ADISSP: variants seen among roughly 807,000 people sequenced by gnomAD.
The protein encoded by ADISSP is adipose secreted signaling protein.
At chr20:3,760,230 T>C in the ADISSP span, 4 of 686,034 alleles carry the variant, frequency 5.8e-6, no homozygotes, top group African/African-American at 3.5e-5. Flanking sequence ...GGGCCACTCA[T>C]GGACCCATGG....
the ADISSP span, among the ~76,000 whole-genome samples, chr20:3,762,779 G>A: frequency 1.3e-5 from 2 of 152,196 alleles, no homozygotes; most frequent in Non-Finnish European, 2.9e-5. Context: ...GGCCTGCAAA[G>A]TCTAAACCAT....
the ADISSP span, chr20:3,754,121 G>T: frequency 3.2e-5 from 52 of 1,613,398 alleles, no homozygotes; most frequent in Non-Finnish European, 4.4e-5. Context: ...CCACACACTT[G>T]ACACCATCCA....
the ADISSP span, among the ~76,000 whole-genome samples, chr20:3,766,816 T>C: frequency 1.3e-5 from 2 of 152,156 alleles, no homozygotes; most frequent in African/African-American, 2.4e-5. Context: ...CTGCCCCGAC[T>C]TTCTTCAACT....
At chr20:3,761,013 G>A in the ADISSP span, among the ~76,000 whole-genome samples, 6 of 152,206 alleles carry the variant, frequency 3.9e-5, no homozygotes, top group Non-Finnish European at 7.3e-5. Context: ...GCCCTCAAAA[G>A]CCCTCATTTG....
chr20:3,754,112 C>T, the ADISSP span: 1 of 1,613,532 alleles, frequency 6.2e-7, no homozygotes, highest in Admixed American at 1.7e-5. Flanking sequence ...GCTCGGCGCC[C>T]ACACACTTGA....
chr20:3,764,855 T>C, the ADISSP span, among the ~76,000 whole-genome samples: 1 of 152,178 alleles, frequency 6.6e-6, no homozygotes, highest in Non-Finnish European at 1.5e-5. Context: ...CCCACCCCAC[T>C]CTTTTGCCTC....
chr20:3,754,211 C>A, the ADISSP span: 12 of 1,547,212 alleles, frequency 7.8e-6, 1 homozygote, highest in South Asian at 1.2e-4. Context: ...CCCACCCATG[C>A]GGCCCACTAA....
the ADISSP span, among the ~76,000 whole-genome samples, chr20:3,766,274 G>A: frequency 6.6e-6 from 1 of 152,258 alleles, no homozygotes; most frequent in Non-Finnish European, 1.5e-5. Flanking sequence ...ACTGGACACA[G>A]CAGAGGCCAC....
the ADISSP span, among the ~76,000 whole-genome samples, chr20:3,763,076 C>T: frequency 0.25 from 36,507 of 148,028 alleles, 4,627 homozygotes; most frequent in African/African-American, 0.31. Context: ...GCCAACATGG[C>T]GAAACCCCAT....
the ADISSP span, chr20:3,767,421 G>T: frequency 6.6e-6 from 1 of 152,520 alleles, no homozygotes; most frequent in African/African-American, 2.4e-5. Flanking sequence ...CAATCGCTTC[G>T]CGGAAAACAC....
the ADISSP span, chr20:3,754,449 G>T: frequency 6.2e-7 from 1 of 1,613,890 alleles, no homozygotes. Flanking sequence ...TGCCACCTTC[G>T]CAGGCTAGCA....
At chr20:3,755,089 G>C in the ADISSP span, among the ~76,000 whole-genome samples, 1 of 152,318 alleles carries the variant, frequency 6.6e-6, no homozygotes, top group East Asian at 1.9e-4. Flanking sequence ...GAAACCCAAG[G>C]TCTGGGACTG....
the ADISSP span, among the ~76,000 whole-genome samples, chr20:3,755,140 G>A: frequency 1.3e-5 from 2 of 152,182 alleles, no homozygotes; most frequent in African/African-American, 4.8e-5. Context: ...TGTAGCTCCA[G>A]CAGGTTTTTC....
the ADISSP span, among the ~76,000 whole-genome samples, chr20:3,762,766 T>C: frequency 2.3e-4 from 35 of 152,236 alleles, no homozygotes; most frequent in African/African-American, 7.5e-4. Flanking sequence ...ATAGAGACCA[T>C]ATGGCCTGCA....
chr20:3,759,340 A>G, the ADISSP span, among the ~76,000 whole-genome samples: 1 of 152,102 alleles, frequency 6.6e-6, no homozygotes, highest in Non-Finnish European at 1.5e-5. This position sits in a 1 kb window ranked among gnomAD's most constrained non-coding sequence, Gnocchi z 4.6. Flanking sequence ...TGTCTAGCCC[A>G]CCATCAAGGC....
At chr20:3,754,528 G>A in the ADISSP span, 2 of 1,604,928 alleles carry the variant, frequency 1.2e-6, no homozygotes. Context: ...ACCTGCCCGG[G>A]GACAGGGGCA....
the ADISSP span, among the ~76,000 whole-genome samples, chr20:3,757,026 A>AAAATAAATAAATAAATAAAT: frequency 0.14 from 21,582 of 150,624 alleles, 2,032 homozygotes; most frequent in African/African-American, 0.25. Context: ...TGTTTTCAGA[A>AAAATAAATAAATAAATAAAT]AAATAAATAA....
the ADISSP span, among the ~76,000 whole-genome samples, chr20:3,762,405 CAG>C: frequency 6.6e-6 from 1 of 152,146 alleles, no homozygotes; most frequent in Non-Finnish European, 1.5e-5. Flanking sequence ...GTTTTTGAGA[CAG>C]GGTCTCACTC....
chr20:3,757,641 G>A, the ADISSP span, among the ~76,000 whole-genome samples: 1 of 152,002 alleles, frequency 6.6e-6, no homozygotes, highest in South Asian at 2.1e-4. Flanking sequence ...TTTTTTGTTT[G>A]TTTGTTTGAG....
Sources: gnomAD v4.1 joint callset for allele counts (sites outside exome capture counted in the v4.1 genomes callset) on GRCh38, gnomAD v4.1.1 for gene constraint, Gnocchi (gnomAD v3.1) non-coding constraint, MANE v1.5 for transcripts, NCBI Gene and HGNC (gene_info 2026-07-23, HGNC 2026-07-21) for gene names.